TENM3: variants seen among roughly 807,000 people sequenced by gnomAD.
TENM3 encodes the protein teneurin-3.
TENM3 carries 63 observed loss-of-function variants against 255.1 expected under a neutral mutation model. That is an observed-to-expected ratio of 0.25 (90% CI 0.20 to 0.30). The LOEUF (loss-of-function observed/expected upper bound fraction) is 0.30. Ranked by LOEUF, TENM3 falls within the 10% of genes least tolerant of loss-of-function variation. The probability of loss-of-function intolerance (pLI) is 1.00; values close to 1 mark genes in which losing one functional copy is unlikely to be tolerated. For missense variants in TENM3, 2,929 were observed against 3,461.1 expected (o/e 0.85, Z 3.86); for synonymous variants, 1,306 against 1,322.3 (o/e 0.99, Z 0.27).
the TENM3 span, among the ~76,000 whole-genome samples, chr4:181,887,003 G>A: frequency 1.8e-4 from 27 of 152,042 alleles, no homozygotes; most frequent in Non-Finnish European, 1.3e-4. Context: ...GACGAAACTT[G>A]GCTCATAAGA....
the TENM3 span, among the ~76,000 whole-genome samples, chr4:181,596,446 C>A: frequency 6.6e-6 from 1 of 152,230 alleles, no homozygotes; most frequent in South Asian, 2.1e-4. Flanking sequence ...TTCCTCAGAG[C>A]CACAACAAGG....
At chr4:182,603,318 G>A (rs953821731) in intron 4 of TENM3, among the ~76,000 whole-genome samples, 1 of 151,934 alleles carries the variant, frequency 6.6e-6, no homozygotes, top group Non-Finnish European at 1.5e-5. Flanking sequence ...TGAGTTTCAG[G>A]GAGGAAATCA....
chr4:181,949,703 G>C, the TENM3 span, among the ~76,000 whole-genome samples: 4 of 152,084 alleles, frequency 2.6e-5, no homozygotes, highest in Non-Finnish European at 5.9e-5. Context: ...ATCTCACTCA[G>C]AGTGAAAGCT....
chr4:182,200,435 T>C (rs1754114225), intron 1 of TENM3, among the ~76,000 whole-genome samples: 1 of 152,198 alleles, frequency 6.6e-6, no homozygotes, highest in African/African-American at 2.4e-5. Flanking sequence ...TTATTGAGCT[T>C]TTTTTCAGTG....
chr4:181,605,281 TAAAAAGA>T, the TENM3 span, among the ~76,000 whole-genome samples: 4 of 150,992 alleles, frequency 2.6e-5, no homozygotes, highest in African/African-American at 9.7e-5. Context: ...CCATCTCTAC[TAAAAAGA>T]AAAAAGAAAA....
rs188939244 is a variant in TENM3, at chr4:182,189,624, G to A, written c.-76+44870G>A. On this transcript the variant is annotated intron_variant, in intron 1 of 2. Transcript: ENST00000512480. ...ATATGTCTGGGTGAGCATGGTCTCA[G>A]TTCGCCCCCACACATCTCAGAAGTT... is the stretch of plus-strand genomic sequence containing the variant. 1.7e-3 allele frequency among the ~76,000 whole-genome samples: 266 copies of A among 152,288 alleles called. 1 individual carries two copies. Among genetic ancestry groups the A allele is most frequent in the African/African-American group, 5.9e-3 (245 of 41,560 alleles).
the TENM3 span, among the ~76,000 whole-genome samples, chr4:181,706,254 C>T: frequency 0.026 from 3,928 of 152,190 alleles, 153 homozygotes; most frequent in African/African-American, 0.089. Context: ...TAAGGCCCAC[C>T]CCCAGTGAGC....
chr4:182,798,111 G>A (rs949811424), intron 27 of TENM3, among the ~76,000 whole-genome samples: 2 of 152,014 alleles, frequency 1.3e-5, no homozygotes, highest in Non-Finnish European at 2.9e-5. Flanking sequence ...GGGCTCAAGC[G>A]ATCCTCCCAC....
intron 1 of TENM3, among the ~76,000 whole-genome samples, chr4:182,237,697 A>G (rs1450992778): frequency 6.6e-6 from 1 of 152,252 alleles, no homozygotes; most frequent in African/African-American, 2.4e-5. Flanking sequence ...GTTACACAGC[A>G]AAGTTAAGTC....
chr4:181,457,664 T>G, the TENM3 span, among the ~76,000 whole-genome samples: 3 of 151,844 alleles, frequency 2.0e-5, no homozygotes, highest in Non-Finnish European at 4.4e-5. Flanking sequence ...GTAGATAGTC[T>G]ATATGTGACA....
At chr4:182,227,637 C>CTTT (rs531262242) in intron 1 of TENM3, among the ~76,000 whole-genome samples, 4 of 127,286 alleles carry the variant, frequency 3.1e-5, no homozygotes, top group Non-Finnish European at 6.7e-5. Flanking sequence ...ATGTGCAGGG[C>CTTT]TTTTTTTTTT....
chr4:181,736,924 A>G, the TENM3 span, among the ~76,000 whole-genome samples: 84 of 152,194 alleles, frequency 5.5e-4, no homozygotes, highest in African/African-American at 1.9e-3. Context: ...AGAAGCCAGG[A>G]GAAACACGTG....
rs1579922625 is a variant in TENM3 at position 182,257,749 on chromosome 4, A to C, written c.-76+14273A>C. ...AGATGGGTATTACCACCCTCATTTT[A>C]CTGAAGAGAAATGTCGATTCAGAGA... On this transcript the variant is annotated intron_variant, in intron 1 of 27. Transcript: ENST00000511685. Among the ~76,000 whole-genome samples the C allele has an allele frequency of 3.3e-5, 5 of 152,314 alleles. No homozygotes were observed. In the East Asian group the frequency reaches 9.6e-4, roughly 29 times the overall value.
chr4:182,224,737 CTTTTTTT>C (rs112818920), intron 1 of TENM3, among the ~76,000 whole-genome samples: 2 of 137,490 alleles, frequency 1.5e-5, no homozygotes, highest in African/African-American at 5.4e-5. Flanking sequence ...AGTCAGATAT[CTTTTTTT>C]TTTTTTTTTT....
intron 3 of TENM3, among the ~76,000 whole-genome samples, chr4:182,478,923 G>GT (rs1733932654): frequency 6.6e-6 from 1 of 151,962 alleles, no homozygotes; most frequent in Non-Finnish European, 1.5e-5. Flanking sequence ...AGGAATGGAA[G>GT]ACTTTTATGA....
At chr4:181,614,886 G>A in the TENM3 span, among the ~76,000 whole-genome samples, 7 of 152,304 alleles carry the variant, frequency 4.6e-5, no homozygotes, top group East Asian at 1.2e-3. Context: ...GAAAGTATAG[G>A]GAGAAGACTG....
the TENM3 span, among the ~76,000 whole-genome samples, chr4:181,487,249 G>T: frequency 3.3e-5 from 5 of 152,120 alleles, no homozygotes; most frequent in African/African-American, 1.2e-4. Context: ...ATTGGCTGGT[G>T]GTTGGTTTTT....
intron 1 of TENM3, among the ~76,000 whole-genome samples, chr4:182,276,161 G>C (rs911614377): frequency 9.9e-5 from 15 of 152,190 alleles, no homozygotes; most frequent in African/African-American, 2.9e-4. Flanking sequence ...AAAAAGAGAG[G>C]GTCTTTGGTG....
At chr4:182,460,294 T>C (rs138297262) in intron 3 of TENM3, among the ~76,000 whole-genome samples, 43 of 152,320 alleles carry the variant, frequency 2.8e-4, no homozygotes, top group African/African-American at 1.0e-3. Flanking sequence ...ATTCTATGTA[T>C]ATTAGACTTA....
Sources: allele counts gnomAD v4.1 joint callset (sites outside exome capture counted in the v4.1 genomes callset), GRCh38; gene constraint gnomAD v4.1.1; transcripts MANE v1.5; gene names NCBI Gene and HGNC (gene_info 2026-07-23, HGNC 2026-07-21).